The following TENM3 variants were observed in gnomAD, a reference collection of about 807,000 sequenced individuals.
TENM3 encodes the protein teneurin transmembrane protein 3.
TENM3 carries 63 observed loss-of-function variants against 255.1 expected under a neutral mutation model. That is an observed-to-expected ratio of 0.25 (90% CI 0.20 to 0.30). The LOEUF is 0.30. Ranked by LOEUF, TENM3 falls within the 10% of genes least tolerant of loss-of-function variation. The pLI is 1.00. For synonymous variants in TENM3, 1,306 were observed against 1,322.3 expected (o/e 0.99, Z 0.27); for missense variants, 2,929 against 3,461.1 (o/e 0.85, Z 3.86).
chr4:182,319,453 A>G (rs1762921997), intron 1 of TENM3, among the ~76,000 whole-genome samples: 1 of 152,216 alleles, frequency 6.6e-6, no homozygotes, highest in Non-Finnish European at 1.5e-5. Flanking sequence ...CGAAAATGAA[A>G]AGGAGATACA....
intron 4 of TENM3, among the ~76,000 whole-genome samples, chr4:182,623,980 G>A (rs1581137873): frequency 1.3e-5 from 2 of 152,200 alleles, no homozygotes; most frequent in African/African-American, 2.4e-5. Flanking sequence ...TGCTTCATGC[G>A]TTTATTTCTC....
intron 18 of TENM3, among the ~76,000 whole-genome samples, chr4:182,741,282 C>T (rs993629223): frequency 6.6e-6 from 1 of 152,184 alleles, no homozygotes; most frequent in African/African-American, 2.4e-5. Flanking sequence ...AACATTTTGA[C>T]AAGTAGTGGC....
At chr4:182,315,697 GTCT>G (rs935944882) in intron 1 of TENM3, among the ~76,000 whole-genome samples, 2 of 151,932 alleles carry the variant, frequency 1.3e-5, no homozygotes, top group South Asian at 4.2e-4. Flanking sequence ...ACTTTTGTCT[GTCT>G]TCTTCTTCTG....
At chr4:182,110,450 G>A in the TENM3 span, among the ~76,000 whole-genome samples, 19 of 151,918 alleles carry the variant, frequency 1.3e-4, no homozygotes, top group African/African-American at 4.1e-4. Flanking sequence ...TCAGCCTCCC[G>A]AGTAGGTGGG....
chr4:182,445,413 A>T (rs1224927301), intron 3 of TENM3, among the ~76,000 whole-genome samples: 2 of 152,144 alleles, frequency 1.3e-5, no homozygotes, highest in African/African-American at 4.8e-5. Context: ...TGAGTGTTTG[A>T]TTTTGATTTT....
the TENM3 span, among the ~76,000 whole-genome samples, chr4:181,602,486 G>A: frequency 5.3e-5 from 8 of 152,184 alleles, no homozygotes; most frequent in Non-Finnish European, 1.2e-4. Flanking sequence ...TGAGTCATTA[G>A]TGACAAGTTT....
chr4:181,464,834 T>G, the TENM3 span, among the ~76,000 whole-genome samples: 31 of 151,980 alleles, frequency 2.0e-4, no homozygotes, highest in Admixed American at 7.2e-4. Context: ...GCCTGTAATC[T>G]CAGCTACTTG....
chr4:182,247,550 G>A (rs1757737911), intron 1 of TENM3, among the ~76,000 whole-genome samples: 1 of 152,312 alleles, frequency 6.6e-6, no homozygotes, highest in Non-Finnish European at 1.5e-5. Flanking sequence ...ACAAAGTGTT[G>A]TTAGGCAAGG....
At chr4:182,121,802 T>A in the TENM3 span, among the ~76,000 whole-genome samples, 1 of 152,136 alleles carries the variant, frequency 6.6e-6, no homozygotes, top group African/African-American at 2.4e-5. Context: ...TTGTGGCAAT[T>A]TATTAAAATA....
At chr4:181,771,265 G>C in the TENM3 span, among the ~76,000 whole-genome samples, 1 of 152,248 alleles carries the variant, frequency 6.6e-6, no homozygotes, top group African/African-American at 2.4e-5. Flanking sequence ...ATTAGATATG[G>C]AAGGTATGTT....
At chr4:181,597,006 G>A in the TENM3 span, among the ~76,000 whole-genome samples, 2 of 152,036 alleles carry the variant, frequency 1.3e-5, no homozygotes, top group Non-Finnish European at 2.9e-5. Context: ...AATCTGTACA[G>A]CAAACCCCAT....
At chr4:181,858,184 T>C in the TENM3 span, among the ~76,000 whole-genome samples, 3 of 152,228 alleles carry the variant, frequency 2.0e-5, no homozygotes, top group African/African-American at 7.2e-5. Flanking sequence ...CTGCAGCAGC[T>C]CAACAGATCT....
At chr4:182,547,116 T>TA (rs1221378733) in intron 3 of TENM3, among the ~76,000 whole-genome samples, 6 of 152,196 alleles carry the variant, frequency 3.9e-5, no homozygotes, top group Non-Finnish European at 8.8e-5. Flanking sequence ...TACATCTGCC[T>TA]ATTTGTTTAG....
At chr4:181,740,299 TAAC>T in the TENM3 span, among the ~76,000 whole-genome samples, 1 of 152,188 alleles carries the variant, frequency 6.6e-6, no homozygotes, top group East Asian at 1.9e-4. Context: ...TTTGATATCT[TAAC>T]AATTATGAAA....
chr4:181,650,699 G>A, the TENM3 span, among the ~76,000 whole-genome samples: 3 of 152,134 alleles, frequency 2.0e-5, no homozygotes, highest in African/African-American at 7.2e-5. Context: ...TTGAATAACA[G>A]GAATCTAGAA....
At chr4:182,709,386 G>A (rs1257843767) in intron 12 of TENM3, among the ~76,000 whole-genome samples, 4 of 152,130 alleles carry the variant, frequency 2.6e-5, no homozygotes, top group Non-Finnish European at 1.5e-5. Context: ...GTAGATTGAA[G>A]GAATGACTTT....
chr4:182,766,776 T>C (rs1168615573), intron 22 of TENM3, among the ~76,000 whole-genome samples: 1 of 152,010 alleles, frequency 6.6e-6, no homozygotes, highest in Non-Finnish European at 1.5e-5. Context: ...TGCAGACTGC[T>C]ACCCTTTCTG....
chr4:182,454,232 A>G (rs1773700312), intron 3 of TENM3, among the ~76,000 whole-genome samples: 1 of 152,172 alleles, frequency 6.6e-6, no homozygotes, highest in Admixed American at 6.5e-5. Context: ...ACACATTTTT[A>G]CATATGGCTT....
At chr4:181,783,343 G>A in the TENM3 span, among the ~76,000 whole-genome samples, 2 of 152,076 alleles carry the variant, frequency 1.3e-5, no homozygotes, top group Non-Finnish European at 2.9e-5. Context: ...CCTAGGCCAG[G>A]TGCCTGTCTC....
Sources: allele counts gnomAD v4.1 joint callset (sites outside exome capture counted in the v4.1 genomes callset), GRCh38; gene constraint gnomAD v4.1.1; transcripts MANE v1.5; gene names NCBI Gene and HGNC (gene_info 2026-07-23, HGNC 2026-07-21).